The following ELF2 variants were observed in gnomAD, a reference collection of about 807,000 sequenced individuals.
ELF2 encodes the protein ETS-related transcription factor Elf-2.
A neutral mutation model predicts 54.8 loss-of-function variants in ELF2; 11 were observed. The observed-to-expected ratio is 0.20, with a 90% CI of 0.13 to 0.33. The LOEUF is 0.33. Ranked by LOEUF, ELF2 falls within the 10% of genes least tolerant of loss-of-function variation. The pLI is 1.00. For missense variants in ELF2, 513 were observed against 703.0 expected (o/e 0.73, Z 3.06); for synonymous variants, 203 against 245.1 (o/e 0.83, Z 1.61).
At chr4:139,157,907 A>G (rs1740709413) in intron 1 of ELF2, among the ~76,000 whole-genome samples, 1 of 152,234 alleles carries the variant, frequency 6.6e-6, no homozygotes, top group Non-Finnish European at 1.5e-5. Flanking sequence ...GGCGCAATGG[A>G]TAACGCGTCT....
At chr4:139,142,804 C>G (rs1193389305) in intron 1 of ELF2, among the ~76,000 whole-genome samples, 1 of 151,488 alleles carries the variant, frequency 6.6e-6, no homozygotes, top group African/African-American at 2.4e-5. Context: ...CAGGTTGAAG[C>G]TGCAGTGATC....
chr4:139,114,627 ATTT>A (rs70940493), intron 4 of ELF2, among the ~76,000 whole-genome samples: 1 of 92,980 alleles, frequency 1.1e-5, no homozygotes, highest in African/African-American at 4.3e-5. Flanking sequence ...ACTGACATGG[ATTT>A]TTTTTTTCTT....
intron 4 of ELF2, among the ~76,000 whole-genome samples, chr4:139,105,902 C>T (rs1209188813): frequency 1.3e-5 from 2 of 152,228 alleles, no homozygotes; most frequent in Non-Finnish European, 2.9e-5. Flanking sequence ...AAAATAATAA[C>T]GATCCCTGGC....
chr4:139,088,261 T>A, intron 4 of ELF2, among the ~76,000 whole-genome samples: 1 of 136,364 alleles, frequency 7.3e-6, no homozygotes, highest in African/African-American at 2.8e-5. Context: ...CACTCCAGCC[T>A]GGGAGCAGAA....
intron 4 of ELF2, among the ~76,000 whole-genome samples, chr4:139,076,286 T>G (rs1463785451): frequency 6.6e-6 from 1 of 152,216 alleles, no homozygotes. Context: ...TAGGTGACCC[T>G]GCTTACTCTT....
chr4:139,059,849 C>CTT (rs780513254), intron 9 of ELF2, among the ~76,000 whole-genome samples: 62 of 142,000 alleles, frequency 4.4e-4, no homozygotes, highest in African/African-American at 1.3e-3. Context: ...AAGACATCTA[C>CTT]TTTTTTTTTT....
intron 1 of ELF2, among the ~76,000 whole-genome samples, chr4:139,152,707 C>T (rs1415332146): frequency 6.6e-6 from 1 of 152,010 alleles, no homozygotes; most frequent in Non-Finnish European, 1.5e-5. Context: ...CTCCATTACC[C>T]TTAGTCATTT....
chr4:139,177,164 G>A lies in ELF2; in HGVS notation c.-449C>T, dbSNP rs1457469227. 16 of 145,024 alleles carry A rather than the reference G, an allele frequency of 1.1e-4. No individual in the cohort carries two copies. The highest frequency in any genetic ancestry group is 3.6e-4 in the African/African-American group (14 of 38,862). 9.0% of individuals were successfully genotyped at this position (145,024 alleles called of 1,614,324 possible). On this transcript the variant is annotated 5_prime_UTR_variant, in exon 1 of 10. Coordinates refer to ENST00000686138, the MANE Select transcript of ELF2 (RefSeq NM_001331036.3). ...CGACCCCCGCCCGCGCCGCCCCACC[G>A]ACCCCCAACCGCCTAGGCGACGGCG...
intron 1 of ELF2, among the ~76,000 whole-genome samples, chr4:139,140,137 T>C (rs1738562405): frequency 6.6e-6 from 1 of 152,142 alleles, no homozygotes; most frequent in Non-Finnish European, 1.5e-5. Flanking sequence ...ATATAAGATA[T>C]TGCTATGTTA....
At chr4:139,121,310 G>A (rs187351119) in intron 4 of ELF2, among the ~76,000 whole-genome samples, 52 of 150,892 alleles carry the variant, frequency 3.4e-4, no homozygotes, top group Admixed American at 3.2e-3. Flanking sequence ...GGGTTTCACC[G>A]TGTTAGCCAG....
At chr4:139,131,211 C>A (rs1737457825) in intron 3 of ELF2, among the ~76,000 whole-genome samples, 1 of 152,042 alleles carries the variant, frequency 6.6e-6, no homozygotes, top group Non-Finnish European at 1.5e-5. Flanking sequence ...ATGTCCCATG[C>A]AATATTTGGG....
At chr4:139,130,404 T>C (rs1737373514) in intron 3 of ELF2, among the ~76,000 whole-genome samples, 1 of 152,206 alleles carries the variant, frequency 6.6e-6, no homozygotes, top group Non-Finnish European at 1.5e-5. Flanking sequence ...TTACTTAACA[T>C]AAATTGATTA....
chr4:139,086,172 GAAGA>G, intron 4 of ELF2, among the ~76,000 whole-genome samples: 1 of 151,698 alleles, frequency 6.6e-6, no homozygotes, highest in East Asian at 1.9e-4. Flanking sequence ...GAGAAAAATG[GAAGA>G]AAAAAGTTTT....
At chr4:139,162,793 T>C (rs901896798) in intron 1 of ELF2, among the ~76,000 whole-genome samples, 8 of 151,988 alleles carry the variant, frequency 5.3e-5, no homozygotes, top group African/African-American at 1.9e-4. Context: ...TTACGGAGAA[T>C]GTTTGTAAAA....
At chr4:139,114,561 T>TCACACACACACACACACACA (rs776035411) in intron 4 of ELF2, among the ~76,000 whole-genome samples, 17 of 108,634 alleles carry the variant, frequency 1.6e-4, no homozygotes, top group African/African-American at 5.7e-4. Context: ...GACTTCAGTC[T>TCACACACACACACACACACA]CACACACACA....
At chr4:139,094,777 A>T (rs1733064311) in intron 4 of ELF2, among the ~76,000 whole-genome samples, 1 of 152,192 alleles carries the variant, frequency 6.6e-6, no homozygotes. Context: ...AAATGAGTAA[A>T]ATGAGGAGAT....
intron 4 of ELF2, among the ~76,000 whole-genome samples, chr4:139,110,030 G>T (rs895344545): frequency 2.0e-5 from 3 of 152,092 alleles, no homozygotes; most frequent in Admixed American, 2.0e-4. Context: ...AATTAATATT[G>T]TATATTAGAA....
At chr4:139,074,000 T>G (rs1729908658) in intron 4 of ELF2, among the ~76,000 whole-genome samples, 1 of 152,084 alleles carries the variant, frequency 6.6e-6, no homozygotes, top group African/African-American at 2.4e-5. Flanking sequence ...TGGTGGCACA[T>G]GCCTGTAATC....
chr4:139,095,185 A>ATTTTT (rs200556112), intron 4 of ELF2, among the ~76,000 whole-genome samples: 1 of 140,012 alleles, frequency 7.1e-6, no homozygotes, highest in Non-Finnish European at 1.6e-5. Flanking sequence ...TTTGCTATAG[A>ATTTTT]TTTTTTTTTT....
Sources: gnomAD v4.1 joint callset for allele counts (sites outside exome capture counted in the v4.1 genomes callset) on GRCh38, gnomAD v4.1.1 for gene constraint, MANE v1.5 for transcripts, NCBI Gene and HGNC (gene_info 2026-07-23, HGNC 2026-07-21) for gene names.